Variants in SLC7A2 observed in about 807,000 individuals in gnomAD.
The protein encoded by SLC7A2 is cationic amino acid transporter 2.
SLC7A2 carries 48 observed loss-of-function variants against 58.9 expected under a neutral mutation model. That is an observed-to-expected ratio of 0.82 (90% CI 0.65 to 1.04). The LOEUF (loss-of-function observed/expected upper bound fraction) is 1.04. Among genes scored for constraint, SLC7A2 ranks in the 50% least tolerant of loss-of-function variants. The pLI, the probability that SLC7A2 is intolerant of heterozygous loss-of-function variation, is 0.00. For missense variants in SLC7A2, 1,029 were observed against 818.8 expected (o/e 1.26, Z -3.13); for synonymous variants, 363 against 314.5 (o/e 1.15, Z -1.63).
At position 17,536,063 on chromosome 8, in the gene SLC7A2, T is replaced by C. The variant is rs187804438; in HGVS notation, c.-22-7255T>C. On this transcript the variant is annotated intron_variant, in intron 2 of 12. Transcript: ENST00000494857. ...CCTCGATATCCTTTCCTCCATTACA[T>C]GAATTATCGCTCTGCCGCTAGCTTA... 3.9e-4 allele frequency among the ~76,000 whole-genome samples: 59 copies of C among 151,144 alleles called. No homozygotes were observed. In the East Asian group the frequency reaches 0.011, roughly 29 times the overall value.
chr8:17,562,165 A>T, intron 11 of SLC7A2, 55 bp downstream of exon 11: 1 of 979,734 alleles, frequency 1.0e-6, no homozygotes, highest in Non-Finnish European at 1.4e-6. Flanking sequence ...TCTCTGTATA[A>T]TTAGTTTGGT....
Position 17,570,020 on chromosome 8 carries a change from A to G in SLC7A2, c.*4874A>G, listed in dbSNP as rs765771497. 6.6e-6 allele frequency: 1 copy of G among 152,198 alleles called. No homozygotes were observed. Among genetic ancestry groups the G allele is most frequent in the African/African-American group, 2.4e-5 (1 of 41,452 alleles). The allele number at this position is 152,198 out of a possible 1,614,324, so 9.4% of individuals were successfully genotyped here. Reference sequence around the variant, plus strand: ...TGGGCTCCTTAATTCCAAACATCCCATGAGTATATCAAGATGAATAAGGAC... The same window carrying G: ...TGGGCTCCTTAATTCCAAACATCCCGTGAGTATATCAAGATGAATAAGGAC... On this transcript the variant is annotated 3_prime_UTR_variant, in exon 13 of 13. Transcript: ENST00000494857.
chr8:17,563,465 T>A, intron 11 of SLC7A2, 138 bp from the exon 12 acceptor site: 1 of 591,842 alleles, frequency 1.7e-6, no homozygotes, highest in South Asian at 2.3e-5. Context: ...CCTTTTATGG[T>A]CTCTAGAAGC....
chr8:17,554,695 G>C lies in SLC7A2; in HGVS notation c.1191G>C (p.Val397=), dbSNP rs145415951. The C allele has an allele frequency of 4.1e-5, 66 of 1,609,688 alleles. No homozygotes were observed. Among genetic ancestry groups the C allele is most frequent in the Middle Eastern group, 3.3e-4 (2 of 6,060 alleles). ...PIIATLSSGA[V]AALMAFLFDL... is the part of the protein sequence containing the mutation. ...TTGCTACTTTATCATCGGGTGCAGT[G>C]GCAGGTGAGAGAGAGTTGACTTTTC... Residue 397 remains valine (V), a synonymous_variant, in exon 8 of 13, where the codon GTG becomes GTC. Transcript: ENST00000494857.
In SLC7A2 at chr8:17,516,019, C is replaced by T. The variant is rs1303430558; in HGVS notation, c.-23+13717C>T. Among the ~76,000 whole-genome samples the T allele has an allele frequency of 2.0e-5, 3 of 152,158 alleles. No individual in the cohort carries two copies. The East Asian group carries it at 5.8e-4, about 29-fold the overall frequency. ...TGAAGTAAATACATAGGATCATTGC[C>T]TTCCTACATCTTGCCATTCATGTAT... On this transcript the variant is annotated intron_variant, in intron 2 of 12. Transcript: ENST00000494857.
At chr8:17,519,829 A>G (rs1211136249) in intron 2 of SLC7A2, among the ~76,000 whole-genome samples, 1 of 121,972 alleles carries the variant, frequency 8.2e-6, no homozygotes, top group African/African-American at 3.1e-5. Flanking sequence ...CTGATTGCCT[A>G]AAATATTCTT....
chr8:17,517,500 T>G (rs17504533), intron 2 of SLC7A2, among the ~76,000 whole-genome samples: 4,444 of 152,216 alleles, frequency 0.029, 91 homozygotes, highest in Non-Finnish European at 0.044. Flanking sequence ...CTTCAGCTGC[T>G]TATTGTAGGT....
intron 7 of SLC7A2, among the ~76,000 whole-genome samples, chr8:17,553,693 G>A (rs1802555628): frequency 2.0e-5 from 3 of 152,168 alleles, no homozygotes; most frequent in African/African-American, 4.8e-5. Context: ...TGGGAGGATC[G>A]CTTGAGCCCA....
At chr8:17,525,266 A>C (rs140867007) in intron 2 of SLC7A2, among the ~76,000 whole-genome samples, 94 of 152,250 alleles carry the variant, frequency 6.2e-4, no homozygotes, top group Non-Finnish European at 1.1e-3. Flanking sequence ...TTATTTTTAA[A>C]AAAGGGGATA....
At chr8:17,495,213 C>T (rs1799928295), upstream of SLC7A2, among the ~76,000 whole-genome samples, 1 of 152,164 alleles carries the variant, frequency 6.6e-6, no homozygotes, top group Non-Finnish European at 1.5e-5. Flanking sequence ...AGTGCCAGGG[C>T]AACCGCCCTG....
intron 2 of SLC7A2, among the ~76,000 whole-genome samples, chr8:17,517,184 C>T (rs1563442380): frequency 6.6e-6 from 1 of 152,186 alleles, no homozygotes; most frequent in Non-Finnish European, 1.5e-5. Context: ...CTGACTTATA[C>T]TCATTTATTT....
chr8:17,512,402 C>G (rs1039594854), intron 2 of SLC7A2, among the ~76,000 whole-genome samples: 2 of 152,046 alleles, frequency 1.3e-5, no homozygotes, highest in Admixed American at 6.5e-5. Context: ...CAAAAATTAG[C>G]TGGGCATGGT....
At chr8:17,547,535 G>C (rs1802231236) in intron 4 of SLC7A2, among the ~76,000 whole-genome samples, 1 of 152,106 alleles carries the variant, frequency 6.6e-6, no homozygotes, top group African/African-American at 2.4e-5. Context: ...AGAATATTTT[G>C]ATAATAGGAA....
In SLC7A2 at chr8:17,497,104, GCC is replaced by G. The variant is rs1364238745; in HGVS notation, c.-201_-200del. 6.6e-6 allele frequency: 1 copy of G among 151,274 alleles called. No homozygotes were observed. 9.4% of individuals were successfully genotyped at this position (151,274 alleles called of 1,614,324 possible). A position where few individuals can be genotyped will look rare whatever the true frequency, so the allele number is the denominator to read the frequency against. ...TGCCCAGCCCTCCTTCTGCAGCGCGGCCGGCGGGCGCTCCTCTTCGCGGGACC... is the reference window on the plus strand; with the variant it reads ...TGCCCAGCCCTCCTTCTGCAGCGCGGGGCGGGCGCTCCTCTTCGCGGGACC... On this transcript the variant is annotated 5_prime_UTR_variant, in exon 1 of 13. Coordinates refer to ENST00000494857, the MANE Select transcript of SLC7A2 (RefSeq NM_001370338.1).
At chr8:17,528,647 G>A (rs1464721938) in intron 2 of SLC7A2, among the ~76,000 whole-genome samples, 2 of 152,076 alleles carry the variant, frequency 1.3e-5, no homozygotes, top group African/African-American at 2.4e-5. Flanking sequence ...AGTTAACTCC[G>A]CCTGCCTCCG....
intron 5 of SLC7A2, 90 bp from the exon 6 acceptor site, chr8:17,550,210 AC>A: frequency 8.2e-7 from 1 of 1,217,582 alleles, no homozygotes. Flanking sequence ...AATAAACACA[AC>A]CACCTTCCAA....
At chr8:17,511,605 A>G (rs1356596359) in intron 2 of SLC7A2, among the ~76,000 whole-genome samples, 6 of 152,214 alleles carry the variant, frequency 3.9e-5, no homozygotes, top group African/African-American at 1.2e-4. Context: ...TTCAAGTAAT[A>G]TAATCTATCG....
At chr8:17,531,851 C>G (rs1033120610) in intron 2 of SLC7A2, among the ~76,000 whole-genome samples, 4 of 151,868 alleles carry the variant, frequency 2.6e-5, no homozygotes, top group African/African-American at 9.7e-5. Context: ...ATTTGGACTT[C>G]TAATTGATTT....
rs141530579 is a variant in SLC7A2, at chr8:17,549,534, A to C, written c.698+691A>C. On this transcript the variant is annotated intron_variant, in intron 5 of 12. Transcript: ENST00000494857. Reference sequence around the variant, plus strand: ...TCCCCCCAGCAGTTTGCCACCACTAAATAACAATGAGTATTTTTGAGTCCT... The same window carrying C: ...TCCCCCCAGCAGTTTGCCACCACTACATAACAATGAGTATTTTTGAGTCCT... Among the ~76,000 whole-genome samples, 867 of 152,304 alleles carry C rather than the reference A, an allele frequency of 5.7e-3. 9 individuals are homozygous for C. Among genetic ancestry groups the C allele is most frequent in the African/African-American group, 0.019 (784 of 41,562 alleles).
Sources: allele counts gnomAD v4.1 joint callset (sites outside exome capture counted in the v4.1 genomes callset), GRCh38; gene constraint gnomAD v4.1.1; transcripts MANE v1.5; gene names NCBI Gene and HGNC (gene_info 2026-07-23, HGNC 2026-07-21).